Variants in CCDC83 observed in about 807,000 individuals in gnomAD.
CCDC83 encodes coiled-coil domain containing 83.
In CCDC83, 54 loss-of-function variants were observed where a neutral mutation model predicts 50.1. The observed-to-expected ratio is 1.08, with a 90% CI of 0.87 to 1.35. The LOEUF is 1.35. Among genes scored for constraint, CCDC83 ranks in the 40% most tolerant of loss-of-function variants. The probability of loss-of-function intolerance (pLI) is 0.00; values close to 1 mark genes in which losing one functional copy is unlikely to be tolerated. For missense variants in CCDC83, 518 were observed against 473.9 expected (o/e 1.09, Z -0.86); for synonymous variants, 161 against 153.3 (o/e 1.05, Z -0.37).
At position 85,911,278 on chromosome 11, in the gene CCDC83, C is replaced by T. The variant is rs1164736420; in HGVS notation, c.673-3C>T. On this transcript the variant is annotated splice_region_variant and splice_polypyrimidine_tract_variant and intron_variant, in intron 7 of 10. Coordinates refer to ENST00000342404, the MANE Select transcript of CCDC83 (RefSeq NM_001286159.2). ...AACATTCATTCTCTTCTTCTGAGAA[C>T]AGGTTGCAATTCACAGGAAGGAAGT... 1.9e-6 allele frequency: 3 copies of T among 1,600,916 alleles called. No individual in the cohort carries two copies. The highest frequency in any genetic ancestry group is 2.6e-6 in the Non-Finnish European group (3 of 1,173,952).
chr11:85,892,807 G>C (rs2093356354), intron 5 of CCDC83, among the ~76,000 whole-genome samples: 1 of 152,158 alleles, frequency 6.6e-6, no homozygotes, highest in South Asian at 2.1e-4. Context: ...AGTTTGGAAG[G>C]ATTAAAATAT....
intron 2 of CCDC83, among the ~76,000 whole-genome samples, chr11:85,870,798 T>C (rs1162045154): frequency 1.3e-5 from 2 of 152,200 alleles, no homozygotes; most frequent in Non-Finnish European, 2.9e-5. Context: ...TGTTTCAATA[T>C]GTTTATGTGT....
chr11:85,875,559 A>C (rs1385634694), intron 3 of CCDC83, among the ~76,000 whole-genome samples: 1 of 152,206 alleles, frequency 6.6e-6, no homozygotes, highest in Non-Finnish European at 1.5e-5. Flanking sequence ...AATATTGTGT[A>C]AAATTATATC....
chr11:85,886,583 G>T (rs747969744), intron 5 of CCDC83, among the ~76,000 whole-genome samples: 5 of 152,164 alleles, frequency 3.3e-5, no homozygotes, highest in Non-Finnish European at 7.3e-5. Flanking sequence ...AAATGGGCGG[G>T]TGGGGGGCAG....
intron 2 of CCDC83, among the ~76,000 whole-genome samples, chr11:85,870,499 G>A (rs1338536546): frequency 6.6e-6 from 1 of 152,006 alleles, no homozygotes. Flanking sequence ...AAAAACGGGA[G>A]GTAGAAAAGG....
intron 7 of CCDC83, among the ~76,000 whole-genome samples, chr11:85,899,538 C>A (rs889128661): frequency 6.6e-6 from 1 of 152,210 alleles, no homozygotes; most frequent in Admixed American, 6.5e-5. Context: ...AACTCACCCT[C>A]AGGCTTGGAC....
Position 85,917,156 on chromosome 11 carries a change from GAGAGAGAGAGAGAA to G in CCDC83, c.1080+927_1080+940del, listed in dbSNP as rs1183774052. ...AGAAAGAGAGAGAGAGAGAGAGAGAGAGAGAGAGAGAGAAAGAAAGAAAGAAAGAAAGAAAGAGA... is the reference window on the plus strand; with the variant it reads ...AGAAAGAGAGAGAGAGAGAGAGAGAGAGAAAGAAAGAAAGAAAGAAAGAGA... On this transcript the variant is annotated intron_variant, in intron 10 of 10. Transcript: ENST00000342404. Among the ~76,000 whole-genome samples, 12 of 97,824 alleles carry G rather than the reference GAGAGAGAGAGAGAA, an allele frequency of 1.2e-4. No individual in the cohort carries two copies. In the East Asian group the frequency reaches 2.9e-3, roughly 24 times the overall value. 64.2% of individuals were successfully genotyped at this position (97,824 alleles called of 152,430 possible).
At chr11:85,872,821 G>A (rs2093246875) in intron 2 of CCDC83, among the ~76,000 whole-genome samples, 1 of 152,118 alleles carries the variant, frequency 6.6e-6, no homozygotes, top group Admixed American at 6.6e-5. Context: ...ATTTCAAGAA[G>A]GTGTGCTTGC....
chr11:85,859,528 C>T (rs1012443255), intron 1 of CCDC83, among the ~76,000 whole-genome samples: 25 of 152,278 alleles, frequency 1.6e-4, no homozygotes, highest in Non-Finnish European at 7.4e-5. Context: ...ACACCTACAA[C>T]TACTGGTTTT....
rs763412848 is a variant in CCDC83, at chr11:85,882,660, GA to G, written c.335del (p.Asn112ThrfsTer2). ...AAAATGGAAGTTTGAAAGAGACCAGGAAAAAAACTTGAGAGGTGATTTAGGA... is the reference window on the plus strand; with the variant it reads ...AAAATGGAAGTTTGAAAGAGACCAGGAAAAAACTTGAGAGGTGATTTAGGA... ...KEKWKFERDQ[E>X]KNLRDMRMQI... On this transcript the variant is annotated frameshift_variant, in exon 4 of 11. Coordinates refer to ENST00000342404, the MANE Select transcript of CCDC83 (RefSeq NM_001286159.2). LOFTEE classifies it high-confidence loss of function. 23 of 1,612,450 alleles carry G rather than the reference GA, an allele frequency of 1.4e-5. No homozygotes were observed. Among genetic ancestry groups the G allele is most frequent in the Admixed American group, 6.7e-5 (4 of 59,596 alleles).
At chr11:85,878,898 T>G (rs1374376795) in intron 3 of CCDC83, among the ~76,000 whole-genome samples, 2 of 152,194 alleles carry the variant, frequency 1.3e-5, no homozygotes, top group Non-Finnish European at 2.9e-5. Context: ...AATATCTTAG[T>G]GTGGTTTTAA....
At position 85,882,606 on chromosome 11, in the gene CCDC83, A is replaced by G; in HGVS notation, c.274A>G (p.Arg92Gly). The G allele has an allele frequency of 6.2e-7, 1 of 1,614,096 alleles. No individual in the cohort carries two copies. Among genetic ancestry groups the G allele is most frequent in the Non-Finnish European group, 8.5e-7 (1 of 1,179,942 alleles). The change falls in exon 4 of 11, where the codon AGA (arginine) becomes GGA (glycine). Residue 92 changes from arginine (R) to glycine (G), a missense_variant. Arg to Gly is a moderately radical substitution (Grantham distance 125). Transcript: ENST00000342404. ...EKAEGLPVVT[R>G]EDVEEAMKEK... ...GGCAGAGGGATTGCCAGTTGTAACAAGAGAGGATGTTGAAGAAGCGATGAA... is the reference window on the plus strand; with the variant it reads ...GGCAGAGGGATTGCCAGTTGTAACAGGAGAGGATGTTGAAGAAGCGATGAA...
Position 85,865,109 on chromosome 11 carries a change from T to C in CCDC83, c.-15T>C. The C allele has an allele frequency of 2.6e-6, 4 of 1,561,424 alleles. No individual in the cohort carries two copies. The highest frequency in any genetic ancestry group is 2.6e-6 in the Non-Finnish European group (3 of 1,134,354). On this transcript the variant is annotated 5_prime_UTR_variant, in exon 2 of 11. Coordinates refer to ENST00000342404, the MANE Select transcript of CCDC83 (RefSeq NM_001286159.2). ...CTTTCTAAACAGGTATATTTCTTCA[T>C]AGCTAACCAGCACAATGGAAAACTC... is the stretch of plus-strand genomic sequence containing the variant.
At chr11:85,857,762 G>C (rs1193430719) in intron 1 of CCDC83, among the ~76,000 whole-genome samples, 1 of 152,156 alleles carries the variant, frequency 6.6e-6, no homozygotes, top group Non-Finnish European at 1.5e-5. Flanking sequence ...ATGGGCAAAG[G>C]CTGTGCCCAG....
intron 8 of CCDC83, among the ~76,000 whole-genome samples, chr11:85,913,576 A>G (rs1333260252): frequency 6.6e-6 from 1 of 152,258 alleles, no homozygotes; most frequent in Non-Finnish European, 1.5e-5. Flanking sequence ...GATAAGAAAT[A>G]GACATGAACT....
intron 7 of CCDC83, 72 bp downstream of exon 7, chr11:85,899,087 G>C: frequency 8.8e-7 from 1 of 1,134,318 alleles, no homozygotes; most frequent in African/African-American, 1.5e-5. Flanking sequence ...TTTTAATTAT[G>C]AACTGAAGTC....
At chr11:85,895,182 G>A (rs1592171328) in intron 5 of CCDC83, 111 bp from the exon 6 acceptor site, 1 of 535,056 alleles carries the variant, frequency 1.9e-6, no homozygotes, top group East Asian at 3.2e-5. Context: ...TTCTGTTGTG[G>A]AGTAGTAAGT....
At chr11:85,858,715 C>CT (rs1160796211) in intron 1 of CCDC83, among the ~76,000 whole-genome samples, 2 of 152,006 alleles carry the variant, frequency 1.3e-5, no homozygotes, top group Non-Finnish European at 2.9e-5. Context: ...AGCCCATATA[C>CT]TTTACCATCT....
chr11:85,901,411 A>G (rs1489030517), intron 7 of CCDC83, among the ~76,000 whole-genome samples: 1 of 151,966 alleles, frequency 6.6e-6, no homozygotes, highest in Admixed American at 6.6e-5. Flanking sequence ...CATCTATACA[A>G]AAAATAGAAA....
Sources: allele counts gnomAD v4.1 joint callset (sites outside exome capture counted in the v4.1 genomes callset), GRCh38; gene constraint gnomAD v4.1.1; transcripts MANE v1.5; gene names NCBI Gene and HGNC (gene_info 2026-07-23, HGNC 2026-07-21).